SORBS2: variants seen among roughly 807,000 people sequenced by gnomAD.
The protein encoded by SORBS2 is sorbin and SH3 domain-containing protein 2.
Under a neutral mutation model 97.7 loss-of-function variants are expected in SORBS2, and 46 were observed. That is an observed-to-expected ratio of 0.47 (90% CI 0.37 to 0.60). SORBS2 has a LOEUF of 0.60. Among genes scored for constraint, SORBS2 ranks in the 20% least tolerant of loss-of-function variants. The probability of loss-of-function intolerance (pLI) is 0.00; values close to 1 mark genes in which losing one functional copy is unlikely to be tolerated. For missense variants in SORBS2, 1,316 were observed against 1,282.3 expected, an observed-to-expected ratio of 1.03 and a Z score of -0.40; for synonymous variants, 476 against 473.4, an observed-to-expected ratio of 1.01 and a Z score of -0.07.
At chr4:185,660,277 T>C (rs1472094679), upstream of SORBS2, among the ~76,000 whole-genome samples, 2 of 152,218 alleles carry the variant, frequency 1.3e-5, no homozygotes. Flanking sequence ...TCAGGCTTTG[T>C]TAATAATTAT....
chr4:185,612,930 A>G (rs1312757043), intron 11 of SORBS2, among the ~76,000 whole-genome samples: 1 of 152,250 alleles, frequency 6.6e-6, no homozygotes, highest in Non-Finnish European at 1.5e-5. Flanking sequence ...GAAACCCAGC[A>G]TCCATCTGAG....
At chr4:185,807,139 C>A (rs2099160376) in intron 1 of SORBS2, among the ~76,000 whole-genome samples, 1 of 151,890 alleles carries the variant, frequency 6.6e-6, no homozygotes. Context: ...CAGAAAAAAA[C>A]AAAATATCAC....
intron 2 of SORBS2, among the ~76,000 whole-genome samples, chr4:185,756,719 C>CTTTTTTTTTTTTTTTT: frequency 7.6e-6 from 1 of 131,598 alleles, no homozygotes; most frequent in Non-Finnish European, 1.6e-5. Context: ...ACTGTTAAAG[C>CTTTTTTTTTTTTTTTT]TTTTTTTTTT....
chr4:185,712,200 G>C (rs1006165883), intron 2 of SORBS2, among the ~76,000 whole-genome samples: 2 of 152,082 alleles, frequency 1.3e-5, no homozygotes, highest in Admixed American at 1.3e-4. Flanking sequence ...CCCATCCTGT[G>C]CCCATAAAAA....
chr4:185,639,172 G>A, intron 4 of SORBS2, 137 bp from the exon 14 acceptor site: 1 of 740,034 alleles, frequency 1.4e-6, no homozygotes, highest in South Asian at 2.3e-5. Flanking sequence ...TGTCCCTAGG[G>A]ACCCAGACGC....
chr4:185,928,400 T>A (rs961487747), intron 1 of SORBS2, among the ~76,000 whole-genome samples: 7 of 151,752 alleles, frequency 4.6e-5, no homozygotes, highest in African/African-American at 1.7e-4. Flanking sequence ...CAAGACCCCA[T>A]CTCAAAAAGA....
At chr4:185,740,405 T>G (rs2098714903) in intron 2 of SORBS2, 1 of 152,348 alleles carries the variant, frequency 6.6e-6, no homozygotes, top group Non-Finnish European at 1.5e-5. Context: ...AATATCACTG[T>G]GGAGTGGGCA....
At chr4:185,707,774 G>A (rs2098366719) in intron 2 of SORBS2, among the ~76,000 whole-genome samples, 2 of 152,242 alleles carry the variant, frequency 1.3e-5, no homozygotes, top group African/African-American at 4.8e-5. Flanking sequence ...GAGAGCTTGT[G>A]CAGGGGAATT....
intron 3 of SORBS2, 48 bp from the exon 7 acceptor site, chr4:185,678,595 T>C: frequency 6.8e-7 from 1 of 1,468,524 alleles, no homozygotes. Context: ...TACGTTCACT[T>C]AAACATTTTT....
At chr4:185,630,737 A>G in intron 4 of SORBS2, 139 bp from the exon 17 acceptor site, 1 of 609,672 alleles carries the variant, frequency 1.6e-6, no homozygotes, top group East Asian at 3.1e-5. Flanking sequence ...GACTATAAAA[A>G]TGTCTTCCCA....
intron 1 of SORBS2, among the ~76,000 whole-genome samples, chr4:185,823,948 A>T (rs2099198310): frequency 6.6e-6 from 1 of 152,216 alleles, no homozygotes; most frequent in Non-Finnish European, 1.5e-5. Flanking sequence ...TAAAGATAGC[A>T]GCTGATACCG....
chr4:185,769,548 T>C (rs1159049883), intron 2 of SORBS2, among the ~76,000 whole-genome samples: 9 of 152,236 alleles, frequency 5.9e-5, no homozygotes, highest in African/African-American at 2.2e-4. Flanking sequence ...TGGAGTGCAA[T>C]GACACCATCT....
chr4:185,814,648 T>C (rs2099192183), intron 1 of SORBS2, among the ~76,000 whole-genome samples: 1 of 152,230 alleles, frequency 6.6e-6, no homozygotes, highest in South Asian at 2.1e-4. Flanking sequence ...CCTCCTCCCC[T>C]ATACCTCCAA....
At chr4:185,685,086 A>G (rs2097929865) in intron 2 of SORBS2, among the ~76,000 whole-genome samples, 1 of 152,218 alleles carries the variant, frequency 6.6e-6, no homozygotes, top group African/African-American at 2.4e-5. Flanking sequence ...TAGTGAAAGC[A>G]TGGAAGACTT....
chr4:185,803,222 G>A (rs1469922792), intron 1 of SORBS2, among the ~76,000 whole-genome samples: 1 of 152,142 alleles, frequency 6.6e-6, no homozygotes, highest in African/African-American at 2.4e-5. Flanking sequence ...GCCTGGGAAT[G>A]AGGCAATTCA....
intron 4 of SORBS2, among the ~76,000 whole-genome samples, chr4:185,663,546 G>A (rs377443010): frequency 7.9e-5 from 12 of 152,222 alleles, no homozygotes; most frequent in East Asian, 5.8e-4. Flanking sequence ...AGAGCTGGAC[G>A]TTCAAATAAC....
chr4:185,783,650 C>T (rs1176508230), intron 1 of SORBS2, among the ~76,000 whole-genome samples: 4 of 152,132 alleles, frequency 2.6e-5, no homozygotes, highest in Admixed American at 2.0e-4. Context: ...TTCAGACCCT[C>T]GGGGTAAGCA....
intron 2 of SORBS2, among the ~76,000 whole-genome samples, chr4:185,769,675 A>C (rs2098958032): frequency 6.6e-6 from 1 of 151,994 alleles, no homozygotes; most frequent in South Asian, 2.1e-4. Flanking sequence ...TTTTTAATAG[A>C]GATGGGGTTT....
At chr4:185,827,010 C>T (rs555390770) in intron 1 of SORBS2, among the ~76,000 whole-genome samples, 12 of 149,970 alleles carry the variant, frequency 8.0e-5, no homozygotes, top group Middle Eastern at 3.4e-3. Context: ...CCCCTGACTA[C>T]GTCATCATCA....
Sources: gnomAD v4.1 joint callset for allele counts (sites outside exome capture counted in the v4.1 genomes callset) on GRCh38, gnomAD v4.1.1 for gene constraint, MANE v1.5 for transcripts, NCBI Gene and HGNC (gene_info 2026-07-23, HGNC 2026-07-21) for gene names.